PSAP: variants seen among roughly 807,000 people sequenced by gnomAD.
PSAP encodes prosaposin, also known as precursor of saposins.
PSAP carries 25 observed loss-of-function variants against 66.0 expected under a neutral mutation model. The observed-to-expected ratio is 0.38, with a 90% CI of 0.28 to 0.53. The LOEUF is 0.53. Among genes scored for constraint, PSAP ranks in the 20% least tolerant of loss-of-function variants. The probability of loss-of-function intolerance (pLI) is 0.83; values close to 1 mark genes in which losing one functional copy is unlikely to be tolerated. For synonymous variants in PSAP, 273 were observed against 258.9 expected (o/e 1.05, Z -0.52); for missense variants, 649 against 668.8 (o/e 0.97, Z 0.33).
rs1842526397 is a variant in PSAP, at chr10:71,831,872, C to T, written c.223G>A (p.Asp75Asn). The change falls in exon 3 of 14, where the codon GAT (aspartate) becomes AAT (asparagine). Residue 75 changes from aspartate (D) to asparagine (N), a missense_variant. Asp to Asn is a conservative substitution (Grantham distance 23). Transcript: ENST00000394936. ...TCAGTGGCATTGTCCTTCAGCATAT[C>T]ACCAGCTGCGGTGACAACGTCTTTG... The part of the protein sequence containing the change: ...ICKDVVTAAG[D>N]MLKDNATEEE... The T allele has an allele frequency of 6.2e-7, 1 of 1,614,094 alleles. No homozygotes were observed. Among genetic ancestry groups the T allele is most frequent in the South Asian group, 1.1e-5 (1 of 91,084 alleles).
chr10:71,849,668 T>C (rs1163057670), intron 1 of PSAP, among the ~76,000 whole-genome samples: 1 of 152,040 alleles, frequency 6.6e-6, no homozygotes, highest in Non-Finnish European at 1.5e-5. Context: ...GTGCAAGACT[T>C]TCTTTTCTCT....
intron 6 of PSAP, among the ~76,000 whole-genome samples, chr10:71,827,345 G>A (rs1272989320): frequency 1.3e-5 from 2 of 150,594 alleles, no homozygotes; most frequent in Admixed American, 1.3e-4. Context: ...CTTGCAGTGA[G>A]CCGAGATCGC....
intron 6 of PSAP, 137 bp downstream of exon 6, chr10:71,827,877 G>A: frequency 1.7e-6 from 2 of 1,209,232 alleles, no homozygotes; most frequent in Non-Finnish European, 2.4e-6. Context: ...AACCAAAATA[G>A]ATTCAAGTCT....
intron 2 of PSAP, among the ~76,000 whole-genome samples, chr10:71,832,737 A>G (rs1842543894): frequency 6.6e-6 from 1 of 152,250 alleles, no homozygotes; most frequent in Admixed American, 6.5e-5. Flanking sequence ...GCATGGAACC[A>G]TATCAAGAGA....
At chr10:71,850,776 C>T (rs1003078989) in intron 1 of PSAP, among the ~76,000 whole-genome samples, 63 of 152,388 alleles carry the variant, frequency 4.1e-4, no homozygotes, top group African/African-American at 1.4e-3. Context: ...GCCAAAGTGT[C>T]CTGCGGGACG....
At chr10:71,840,655 A>G (rs1221231892) in intron 1 of PSAP, among the ~76,000 whole-genome samples, 2 of 152,220 alleles carry the variant, frequency 1.3e-5, no homozygotes, top group African/African-American at 4.8e-5. Flanking sequence ...AAAGCTCTTA[A>G]GCTCACTAGG....
chr10:71,828,072 G>A lies in PSAP; in HGVS notation c.662C>T (p.Ala221Val), dbSNP rs1317403716. 6.2e-7 allele frequency: 1 copy of A among 1,614,068 alleles called. No individual in the cohort carries two copies. Among genetic ancestry groups the A allele is most frequent in the African/African-American group, 1.3e-5 (1 of 74,912 alleles). ...AVRTNSTFVQ[A>V]LVEHVKEECD... is the part of the protein sequence containing the mutation. ...CTCCTCCTTGACATGTTCCACCAAG[G>A]CCTGGACAAAGGTGGAGTTGGTCCG... The change falls in exon 6 of 14, where the codon GCC becomes GTC. Residue 221 changes from alanine to valine, a missense_variant. Ala to Val is a moderately conservative substitution (Grantham distance 64). Coordinates refer to ENST00000394936, the MANE Select transcript of PSAP (RefSeq NM_002778.4).
chr10:71,818,504 T>C, intron 13 of PSAP, 113 bp downstream of exon 13: 1 of 977,266 alleles, frequency 1.0e-6, no homozygotes, highest in East Asian at 2.4e-5. Flanking sequence ...AGCTTTCTGA[T>C]AACATAAAAG....
chr10:71,837,928 G>A (rs1215369510), intron 1 of PSAP, among the ~76,000 whole-genome samples: 1 of 152,208 alleles, frequency 6.6e-6, no homozygotes, highest in Non-Finnish European at 1.5e-5. Context: ...GGCTGCAAAG[G>A]CAGACAGATC....
intron 7 of PSAP, 35 bp downstream of exon 7, chr10:71,825,798 CAAAG>C: frequency 7.6e-6 from 12 of 1,582,640 alleles, no homozygotes; most frequent in Non-Finnish European, 1.0e-5. Flanking sequence ...ACCTGAAAAA[CAAAG>C]AAAAATGCTA....
intron 1 of PSAP, among the ~76,000 whole-genome samples, chr10:71,836,140 C>A (rs537452267): frequency 6.6e-6 from 1 of 152,306 alleles, no homozygotes; most frequent in South Asian, 2.1e-4. Context: ...CCTTCCCTGT[C>A]CCCTGGGAGC....
At chr10:71,839,222 C>T (rs528680260) in intron 1 of PSAP, among the ~76,000 whole-genome samples, 1 of 152,268 alleles carries the variant, frequency 6.6e-6, no homozygotes, top group African/African-American at 2.4e-5. Context: ...CCTGGCAAGA[C>T]AGCTTGGAAC....
intron 1 of PSAP, among the ~76,000 whole-genome samples, chr10:71,841,601 T>C (rs985441814): frequency 3.3e-4 from 50 of 152,166 alleles, no homozygotes; most frequent in Non-Finnish European, 6.0e-4. Context: ...CCAGGCACAG[T>C]GGCTCCCATC....
chr10:71,819,409 G>C, intron 11 of PSAP, 56 bp downstream of exon 11: 1 of 1,603,760 alleles, frequency 6.2e-7, no homozygotes, highest in Non-Finnish European at 8.5e-7. Context: ...CCCAGCCTTG[G>C]CATACTTCAT....
chr10:71,831,500 T>C (rs889892065), intron 3 of PSAP, among the ~76,000 whole-genome samples: 6 of 152,198 alleles, frequency 3.9e-5, no homozygotes, highest in Non-Finnish European at 5.9e-5. Flanking sequence ...TAAGCAGAGA[T>C]GGCCAAAATG....
intron 7 of PSAP, chr10:71,822,605 C>T (rs900807979): frequency 4.2e-6 from 2 of 472,218 alleles, no homozygotes; most frequent in Non-Finnish European, 8.8e-6. Flanking sequence ...CCAGATTGAT[C>T]CCCTTTCACC....
rs190346044 is a variant in PSAP at position 71,828,390 on chromosome 10, T to C, written c.577-233A>G. On this transcript the variant is annotated intron_variant, in intron 5 of 13. Transcript: ENST00000394936. ...AAAAAGGTTGGCCAGGCACAGTGGC[T>C]CACACCTGTAATCCCAGCACTTTGG... 1.3e-3 allele frequency among the ~76,000 whole-genome samples: 195 copies of C among 152,242 alleles called. 2 individuals carry two copies. In the East Asian group the frequency reaches 0.025, roughly 20 times the overall value.
At position 71,817,394 on chromosome 10, in the gene PSAP, A is replaced by G. The variant is rs749194633; in HGVS notation, c.*47T>C. On this transcript the variant is annotated 3_prime_UTR_variant, in exon 14 of 14. Coordinates refer to ENST00000394936, the MANE Select transcript of PSAP (RefSeq NM_002778.4). ...TTCATTCCCCCAGACACACAAGTAG[A>G]AAAAAACCAATGCTGTGGTTTCTGC... 3 of 1,602,650 alleles carry G rather than the reference A, an allele frequency of 1.9e-6. No individual in the cohort carries two copies. The highest frequency in any genetic ancestry group is 1.1e-5 in the South Asian group (1 of 90,890).
Position 71,831,874 on chromosome 10 carries a change from C to T in PSAP, c.221G>A (p.Gly74Asp), listed in dbSNP as rs753412048. 2 of 1,614,032 alleles carry T rather than the reference C, an allele frequency of 1.2e-6. No homozygotes were observed. The highest frequency in any genetic ancestry group is 1.1e-5 in the South Asian group (1 of 91,082). Residue 74 changes from glycine to aspartate, a missense_variant, in exon 3 of 14, where the codon GGT becomes GAT. Coordinates refer to ENST00000394936, the MANE Select transcript of PSAP (RefSeq NM_002778.4). The part of the protein sequence containing the change: ...DICKDVVTAA[G>D]DMLKDNATEE... The stretch of plus-strand genomic sequence containing the variant: ...AGTGGCATTGTCCTTCAGCATATCA[C>T]CAGCTGCGGTGACAACGTCTTTGCA...
Sources: gnomAD v4.1 joint callset for allele counts (sites outside exome capture counted in the v4.1 genomes callset) on GRCh38, gnomAD v4.1.1 for gene constraint, MANE v1.5 for transcripts, NCBI Gene and HGNC (gene_info 2026-07-23, HGNC 2026-07-21) for gene names.